WASHC5: variants seen among roughly 807,000 people sequenced by gnomAD.
The protein encoded by WASHC5 is WASH complex subunit strumpellin.
WASHC5 carries 101 observed loss-of-function variants against 150.4 expected under a neutral mutation model. The observed-to-expected ratio is 0.67, with a 90% CI of 0.57 to 0.79. WASHC5 has a LOEUF of 0.79. Ranked by LOEUF, WASHC5 falls within the 30% of genes least tolerant of loss-of-function variation. The pLI, the probability that WASHC5 is intolerant of heterozygous loss-of-function variation, is 0.00. For missense variants in WASHC5, 1,195 were observed against 1,396.3 expected (o/e 0.86, Z 2.30); for synonymous variants, 467 against 491.2 (o/e 0.95, Z 0.65).
intron 14 of WASHC5, among the ~76,000 whole-genome samples, chr8:125,058,202 T>C (rs1056860572): frequency 6.6e-6 from 1 of 151,806 alleles, no homozygotes; most frequent in African/African-American, 2.4e-5. Flanking sequence ...AACTATGATA[T>C]GCCATCAATG....
Position 125,032,242 on chromosome 8 carries a change from T to C in WASHC5, c.3334A>G (p.Ser1112Gly), listed in dbSNP as rs750997212. 1 of 1,614,110 alleles carries C rather than the reference T, an allele frequency of 6.2e-7. No homozygotes were observed. Among genetic ancestry groups the C allele is most frequent in the Non-Finnish European group, 8.5e-7 (1 of 1,179,992 alleles). The change falls in exon 27 of 29, where the codon AGC (serine) becomes GGC (glycine). Residue 1112 changes from serine (S) to glycine (G), a missense_variant and splice_region_variant. By Grantham distance (56) the Ser-to-Gly change is moderately conservative (BLOSUM62 0). This residue lies in a region of WASHC5 where 997 missense variants were observed against 1,168.1 expected (regional missense o/e 0.85). Transcript: ENST00000318410. ...GTAGTCCTGGTTGGTCTTCTGTACC[T>C]TGTACACTGCTCCACCGTGGAGCAG... ...FICSTVEQCT[S>G]QKIPEIPADV...
At chr8:125,061,486 A>G (rs1563624264) in intron 11 of WASHC5, among the ~76,000 whole-genome samples, 1 of 152,166 alleles carries the variant, frequency 6.6e-6, no homozygotes, top group Non-Finnish European at 1.5e-5. Flanking sequence ...AAAGGAACTG[A>G]AGGATGACCC....
intron 23 of WASHC5, among the ~76,000 whole-genome samples, chr8:125,043,230 G>C (rs578163963): frequency 6.6e-6 from 1 of 152,366 alleles, no homozygotes; most frequent in African/African-American, 2.4e-5. Flanking sequence ...ACTCGCAGAA[G>C]ATGCAGGGGT....
chr8:125,088,275 A>G (rs1248971570), intron 1 of WASHC5, among the ~76,000 whole-genome samples: 1 of 146,866 alleles, frequency 6.8e-6, no homozygotes, highest in Non-Finnish European at 1.5e-5. Context: ...AAATACAAAA[A>G]TTAGCCAGGC....
intron 20 of WASHC5, among the ~76,000 whole-genome samples, chr8:125,046,222 A>C (rs1427103991): frequency 1.3e-5 from 2 of 152,226 alleles, no homozygotes; most frequent in South Asian, 2.1e-4. Context: ...GCCTGTGCCC[A>C]GGGGTGGACA....
At chr8:125,025,806 T>C (rs796380049) in intron 28 of WASHC5, among the ~76,000 whole-genome samples, 2 of 143,908 alleles carry the variant, frequency 1.4e-5, no homozygotes, top group Non-Finnish European at 3.0e-5. Flanking sequence ...GTAATGAATT[T>C]TTCCAGTTTA....
chr8:125,045,231 T>G (rs1342866719), intron 20 of WASHC5, among the ~76,000 whole-genome samples: 1 of 152,236 alleles, frequency 6.6e-6, no homozygotes, highest in African/African-American at 2.4e-5. Context: ...CAAATGATTC[T>G]TTTTAGACTC....
At chr8:125,057,831 G>A (rs958724082) in intron 14 of WASHC5, among the ~76,000 whole-genome samples, 165 bp from the exon 15 acceptor site, 3 of 150,756 alleles carry the variant, frequency 2.0e-5, no homozygotes, top group African/African-American at 7.4e-5. Context: ...TAACTGTGAT[G>A]GCAGTGGTTC....
chr8:125,054,415 A>G (rs969384906), intron 17 of WASHC5, among the ~76,000 whole-genome samples: 3 of 152,236 alleles, frequency 2.0e-5, no homozygotes, highest in Non-Finnish European at 4.4e-5. Flanking sequence ...AGGAACAATT[A>G]CCAAATCCAC....
chr8:125,082,740 C>T (rs1817304853), intron 3 of WASHC5: 2 of 414,602 alleles, frequency 4.8e-6, no homozygotes, highest in Admixed American at 4.1e-5. Flanking sequence ...CATGGAATAT[C>T]TAGTCTAAAA....
chr8:125,037,539 C>A (rs140915700), intron 25 of WASHC5, among the ~76,000 whole-genome samples: 1 of 152,130 alleles, frequency 6.6e-6, no homozygotes, highest in Non-Finnish European at 1.5e-5. Context: ...CATAATTTGC[C>A]CTTCTGGGAA....
At chr8:125,055,886 T>C (rs564949204) in intron 16 of WASHC5, among the ~76,000 whole-genome samples, 1 of 152,294 alleles carries the variant, frequency 6.6e-6, no homozygotes, top group East Asian at 1.9e-4. Flanking sequence ...GACAAAGCAT[T>C]TCTCCTTTAG....
chr8:125,066,623 A>G (rs1166299897), intron 10 of WASHC5, among the ~76,000 whole-genome samples: 1 of 152,164 alleles, frequency 6.6e-6, no homozygotes, highest in Non-Finnish European at 1.5e-5. Context: ...TACCCTTTCC[A>G]GTGGTTCTCA....
At chr8:125,062,625 T>C (rs1816631355) in intron 11 of WASHC5, among the ~76,000 whole-genome samples, 1 of 152,196 alleles carries the variant, frequency 6.6e-6, no homozygotes, top group Non-Finnish European at 1.5e-5. Flanking sequence ...ATAGGAACAA[T>C]AATACAATTT....
chr8:125,084,559 G>T (rs1042311509), intron 1 of WASHC5, among the ~76,000 whole-genome samples: 7 of 152,254 alleles, frequency 4.6e-5, no homozygotes, highest in African/African-American at 1.7e-4. Flanking sequence ...AATCAAACTG[G>T]TCCAAAAGTC....
intron 9 of WASHC5, among the ~76,000 whole-genome samples, chr8:125,069,755 T>C (rs886779051): frequency 6.6e-6 from 1 of 152,200 alleles, no homozygotes; most frequent in Non-Finnish European, 1.5e-5. Context: ...AAGAAATATA[T>C]TGGAACTGGT....
At position 125,039,813 on chromosome 8, in the gene WASHC5, G is replaced by T. The variant is rs1202111532; in HGVS notation, c.2936C>A (p.Ala979Asp). 6.2e-7 allele frequency: 1 copy of T among 1,612,922 alleles called. No homozygotes were observed. Among genetic ancestry groups the T allele is most frequent in the Non-Finnish European group, 8.5e-7 (1 of 1,178,922 alleles). ...CRFDSKHLAA[A>D]LENLNKALLA... ...CACTTACTTATTGAGATTCTCCAGAGCAGCTGCCAGATGTTTAGAATCAAA... is the reference window on the plus strand; with the variant it reads ...CACTTACTTATTGAGATTCTCCAGATCAGCTGCCAGATGTTTAGAATCAAA... Residue 979 changes from alanine (A) to aspartate (D), a missense_variant, in exon 24 of 29, where the codon GCT becomes GAT. This residue lies in a region of WASHC5 where 997 missense variants were observed against 1,168.1 expected (regional missense o/e 0.85). Transcript: ENST00000318410.
At chr8:125,029,711 A>G (rs575854170) in intron 27 of WASHC5, among the ~76,000 whole-genome samples, 9 of 152,376 alleles carry the variant, frequency 5.9e-5, no homozygotes, top group African/African-American at 2.2e-4. Flanking sequence ...CAGGCTCCTT[A>G]TAGAGCTAAC....
intron 12 of WASHC5, among the ~76,000 whole-genome samples, chr8:125,060,454 C>G (rs1429141372): frequency 1.3e-5 from 2 of 148,498 alleles, no homozygotes; most frequent in South Asian, 2.1e-4. Flanking sequence ...CCCCTGCACT[C>G]CAGCCTGGGT....
Sources: allele counts gnomAD v4.1 joint callset (sites outside exome capture counted in the v4.1 genomes callset), GRCh38; gene constraint gnomAD v4.1.1; regional missense constraint gnomAD v4.1.1; transcripts MANE v1.5; gene names NCBI Gene and HGNC (gene_info 2026-07-23, HGNC 2026-07-21).